Variants in HMCN1 observed in about 807,000 individuals in gnomAD.
The protein encoded by HMCN1 is hemicentin-1.
Under a neutral mutation model 625.9 loss-of-function variants are expected in HMCN1, and 321 were observed. The observed-to-expected ratio is 0.51, with a 90% CI of 0.47 to 0.56. HMCN1 has a LOEUF of 0.56. Among genes scored for constraint, HMCN1 ranks in the 20% least tolerant of loss-of-function variants. The pLI is 0.00. For missense variants in HMCN1, 6,588 were observed against 6,887.3 expected, an observed-to-expected ratio of 0.96 and a Z score of 1.54; for synonymous variants, 2,425 against 2,417.6, an observed-to-expected ratio of 1.00 and a Z score of -0.09.
At chr1:185,820,258 C>CT (rs1557994044) in intron 1 of HMCN1, among the ~76,000 whole-genome samples, 1 of 152,076 alleles carries the variant, frequency 6.6e-6, no homozygotes, top group Non-Finnish European at 1.5e-5. Context: ...ATAGATTAGC[C>CT]TTTTTCATTT....
intron 1 of HMCN1, among the ~76,000 whole-genome samples, chr1:185,754,734 G>A (rs562410157): frequency 8.5e-5 from 13 of 152,254 alleles, no homozygotes; most frequent in African/African-American, 3.1e-4. Flanking sequence ...TGTAGTCCCA[G>A]CTACTTGGGA....
At chr1:185,880,570 T>G (rs1664241232) in intron 4 of HMCN1, among the ~76,000 whole-genome samples, 1 of 152,316 alleles carries the variant, frequency 6.6e-6, no homozygotes, top group South Asian at 2.1e-4. Flanking sequence ...TCTCTTCATA[T>G]CATCATGTTG....
In HMCN1 at chr1:186,189,998, C is replaced by T; in HGVS notation, c.*120C>T. 8.6e-7 allele frequency: 1 copy of T among 1,159,946 alleles called. No homozygotes were observed. The highest frequency in any genetic ancestry group is 1.3e-6 in the Non-Finnish European group (1 of 781,858). The allele number at this position is 1,159,946 out of a possible 1,614,324, so 71.9% of individuals were successfully genotyped here. On this transcript the variant is annotated 3_prime_UTR_variant, in exon 107 of 107. Transcript: ENST00000271588. ...TTGGCAGCTTGAAAATGGTGCTACA[C>T]TCTGTTTTGTGTGCCTTCCTTGGTA...
chr1:186,111,925 T>C lies in HMCN1; in HGVS notation c.10990-887T>C, dbSNP rs551343757. Among the ~76,000 whole-genome samples, 7 of 152,300 alleles carry C rather than the reference T, an allele frequency of 4.6e-5. No individual in the cohort carries two copies. The East Asian group carries it at 1.2e-3, about 25-fold the overall frequency. ...ATATATGTATCTGGGACCAAGCTCA[T>C]ACGGTAGAGAAATCTTATTTGGGCT... On this transcript the variant is annotated intron_variant, in intron 71 of 106. Coordinates refer to ENST00000271588, the MANE Select transcript of HMCN1 (RefSeq NM_031935.3).
intron 1 of HMCN1, among the ~76,000 whole-genome samples, chr1:185,837,583 T>A (rs1268211888): frequency 1.3e-5 from 2 of 152,156 alleles, no homozygotes; most frequent in Non-Finnish European, 2.9e-5. Context: ...TCCTTTGTGA[T>A]CTCTTATATT....
At chr1:185,742,750 T>G (rs1280771497) in intron 1 of HMCN1, among the ~76,000 whole-genome samples, 2 of 152,168 alleles carry the variant, frequency 1.3e-5, no homozygotes, top group Admixed American at 6.5e-5. Flanking sequence ...GTGAGACACT[T>G]TGGACAAGGG....
chr1:185,909,478 T>C lies in HMCN1; in HGVS notation c.763T>C (p.Ser255Pro), dbSNP rs1305231106. 2.5e-6 allele frequency: 4 copies of C among 1,613,428 alleles called. No homozygotes were observed. The highest frequency in any genetic ancestry group is 3.4e-6 in the Non-Finnish European group (4 of 1,179,642). Residue 255 changes from serine to proline, a missense_variant, in exon 5 of 107, where the codon TCT becomes CCT. This residue lies in a region of HMCN1 where 4,628 missense variants were observed against 4,853.1 expected (regional missense o/e 0.95). Coordinates refer to ENST00000271588, the MANE Select transcript of HMCN1 (RefSeq NM_031935.3). ...GGTCACTGTGTCTTTGAGTGGGCCT[T>C]CTCCAATGATTGAAATTCGCAATCC... Reference protein sequence around the residue: ...KEVTVSLSGPSPMIEIRNPLG... With the variant: ...KEVTVSLSGPPPMIEIRNPLG...
intron 32 of HMCN1, 91 bp downstream of exon 32, chr1:186,016,330 C>A: frequency 7.9e-7 from 1 of 1,263,128 alleles, no homozygotes. Flanking sequence ...AATAATAAAA[C>A]AATCTAAAAG....
At chr1:185,866,987 T>A (rs1558026403) in intron 4 of HMCN1, among the ~76,000 whole-genome samples, 1 of 152,276 alleles carries the variant, frequency 6.6e-6, no homozygotes, top group Non-Finnish European at 1.5e-5. Flanking sequence ...ACAAGTTCTA[T>A]TAATTTCATG....
intron 11 of HMCN1, among the ~76,000 whole-genome samples, chr1:185,945,723 A>T (rs964354592): frequency 1.7e-4 from 26 of 152,154 alleles, no homozygotes; most frequent in African/African-American, 6.0e-4. Context: ...GTCTGTTCAG[A>T]TGGAGAAAAC....
At chr1:185,963,735 C>A in intron 12 of HMCN1, 33 bp from the exon 13 acceptor site, 1 of 1,487,658 alleles carries the variant, frequency 6.7e-7, no homozygotes, top group Non-Finnish European at 9.4e-7. Flanking sequence ...GTGGCATTTT[C>A]AATTTTATAT....
At chr1:186,065,146 AG>A in intron 48 of HMCN1, 91 bp from the exon 49 acceptor site, 1 of 945,994 alleles carries the variant, frequency 1.1e-6, no homozygotes, top group East Asian at 2.5e-5. Context: ...TGGGATATGT[AG>A]GAAGACAAAT....
intron 63 of HMCN1, among the ~76,000 whole-genome samples, chr1:186,089,875 A>G (rs950612556): frequency 6.6e-6 from 1 of 151,956 alleles, no homozygotes; most frequent in African/African-American, 2.4e-5. Context: ...AATTAGATTT[A>G]TAGAGCTTAT....
At position 185,912,000 on chromosome 1, in the gene HMCN1, T is replaced by TA. The variant is rs532951696; in HGVS notation, c.900+221dup. Among the ~76,000 whole-genome samples, 313 of 152,304 alleles carry TA rather than the reference T, an allele frequency of 2.1e-3. 3 individuals carry two copies. The highest frequency in any genetic ancestry group is 7.1e-3 in the African/African-American group (296 of 41,568). On this transcript the variant is annotated intron_variant, in intron 6 of 106. Transcript: ENST00000271588. The stretch of plus-strand genomic sequence containing the variant: ...TGTCATCATTGCCACACGATACACT[T>TA]ACAATTCTCAGATAGTTTTCCTATC...
Position 185,846,061 on chromosome 1 carries a change from A to G in HMCN1, c.304A>G (p.Lys102Glu). 6.2e-7 allele frequency: 1 copy of G among 1,612,664 alleles called. No homozygotes were observed. The highest frequency in any genetic ancestry group is 8.5e-7 in the Non-Finnish European group (1 of 1,178,838). The change falls in exon 2 of 107, where the codon AAA becomes GAA. Residue 102 changes from lysine (K) to glutamate (E), a missense_variant. By Grantham distance (56) the Lys-to-Glu change is moderately conservative. Coordinates refer to ENST00000271588, the MANE Select transcript of HMCN1 (RefSeq NM_031935.3). ...AGTGACAATTACCACAGATCCCAAG[A>G]AATTTCAATATGAACTCAGAGAACT... ...GPVTITTDPK[K>E]FQYELRELYV...
chr1:186,079,427 C>T (rs1659034265), intron 55 of HMCN1, among the ~76,000 whole-genome samples: 1 of 152,196 alleles, frequency 6.6e-6, no homozygotes, highest in Non-Finnish European at 1.5e-5. Context: ...CCATGCCAAA[C>T]TGAGCCCCGT....
Position 185,977,823 on chromosome 1 carries a change from C to A in HMCN1, c.2408C>A (p.Ser803Tyr). 1 of 1,613,060 alleles carries A rather than the reference C, an allele frequency of 6.2e-7. No individual in the cohort carries two copies. Among genetic ancestry groups the A allele is most frequent in the Non-Finnish European group, 8.5e-7 (1 of 1,179,320 alleles). Residue 803 changes from serine to tyrosine, a missense_variant, in exon 16 of 107, where the codon TCT becomes TAT. Transcript: ENST00000271588. ...TTCATACAAGAACCTGCTGATGTGT[C>A]TATGGAAATTGGCTCAAATGTGACA... ...PVFIQEPADV[S>Y]MEIGSNVTLP... is the part of the protein sequence containing the mutation.
intron 102 of HMCN1, among the ~76,000 whole-genome samples, chr1:186,172,987 T>G (rs777493900): frequency 6.6e-6 from 1 of 152,032 alleles, no homozygotes; most frequent in Non-Finnish European, 1.5e-5. Context: ...TAGATGGAGA[T>G]GACAGAAAAA....
At chr1:186,063,814 C>T (rs1316133150) in intron 48 of HMCN1, among the ~76,000 whole-genome samples, 3 of 152,044 alleles carry the variant, frequency 2.0e-5, no homozygotes, top group Non-Finnish European at 4.4e-5. Flanking sequence ...ATTCTAAAAC[C>T]AGTTTCACCA....
Sources: allele counts gnomAD v4.1 joint callset (sites outside exome capture counted in the v4.1 genomes callset), GRCh38; gene constraint gnomAD v4.1.1; regional missense constraint gnomAD v4.1.1; transcripts MANE v1.5; gene names NCBI Gene and HGNC (gene_info 2026-07-23, HGNC 2026-07-21).